The following ADGRL2 variants were observed in gnomAD, a reference collection of about 807,000 sequenced individuals.
ADGRL2 encodes the protein calcium-independent alpha-latrotoxin receptor 2.
A neutral mutation model predicts 157.4 loss-of-function variants in ADGRL2; 44 were observed. That is an observed-to-expected ratio of 0.28 (90% confidence interval 0.22 to 0.36). The LOEUF (loss-of-function observed/expected upper bound fraction) is 0.36, where lower values mean the gene tolerates loss of function less well. ADGRL2 is among the 10% of genes least tolerant of loss of function. ADGRL2 has a pLI of 1.00. For missense variants in ADGRL2, 1,510 were observed against 1,768.9 expected, an observed-to-expected ratio of 0.85 and a Z score of 2.63; for synonymous variants, 585 against 624.7, an observed-to-expected ratio of 0.94 and a Z score of 0.95.
intron 1 of ADGRL2, among the ~76,000 whole-genome samples, chr1:81,396,546 T>C (rs2076658021): frequency 6.6e-6 from 1 of 152,004 alleles, no homozygotes; most frequent in South Asian, 2.1e-4. Flanking sequence ...TGAGCAAGAG[T>C]GGTGAGAGTG....
At chr1:81,515,633 A>T (rs1333529936) in intron 2 of ADGRL2, among the ~76,000 whole-genome samples, 2 of 152,192 alleles carry the variant, frequency 1.3e-5, no homozygotes, top group Non-Finnish European at 2.9e-5. Context: ...AACAAAAATG[A>T]TGTATGTTTA....
Position 81,991,303 on chromosome 1 carries a change from T to C in ADGRL2, c.*158T>C. 1 of 615,010 alleles carries C rather than the reference T, an allele frequency of 1.6e-6. No homozygotes were observed. Among genetic ancestry groups the C allele is most frequent in the Non-Finnish European group, 2.7e-6 (1 of 365,814 alleles). The allele number at this position is 615,010 out of a possible 1,614,324, so 38.1% of individuals were successfully genotyped here. A position where few individuals can be genotyped will look rare whatever the true frequency, so the allele number is the denominator to read the frequency against. On this transcript the variant is annotated 3_prime_UTR_variant, in exon 24 of 24. Coordinates refer to ENST00000686636, the MANE Select transcript of ADGRL2 (RefSeq NM_001366006.2). ...TGACTGAACCTTGCAGTTCTGTGAA[T>C]TTTTATAAAACATACAAAAACTTTG...
intron 2 of ADGRL2, among the ~76,000 whole-genome samples, chr1:81,773,141 G>T (rs1430630909): frequency 1.3e-5 from 2 of 152,072 alleles, no homozygotes; most frequent in Non-Finnish European, 2.9e-5. Context: ...CAGACTTTTA[G>T]GCAAAGGGAG....
intron 3 of ADGRL2, among the ~76,000 whole-genome samples, chr1:81,650,390 TA>T (rs71242585): frequency 1.3e-5 from 2 of 150,210 alleles, no homozygotes; most frequent in African/African-American, 4.9e-5. Context: ...GCCAACATGG[TA>T]AAAAAAACCC....
intron 1 of ADGRL2, among the ~76,000 whole-genome samples, chr1:81,405,150 G>T (rs892195180): frequency 1.3e-5 from 2 of 152,152 alleles, no homozygotes; most frequent in Non-Finnish European, 2.9e-5. Flanking sequence ...TTAGGTATAT[G>T]CAAGTGTAGC....
At chr1:81,376,821 A>G (rs2076258914) in intron 1 of ADGRL2, among the ~76,000 whole-genome samples, 1 of 152,170 alleles carries the variant, frequency 6.6e-6, no homozygotes, top group Admixed American at 6.6e-5. Flanking sequence ...TAGTGTGTTC[A>G]GGCAGGGTTT....
intron 2 of ADGRL2, among the ~76,000 whole-genome samples, chr1:81,872,233 A>T (rs937282612): frequency 6.6e-6 from 1 of 152,192 alleles, no homozygotes; most frequent in Non-Finnish European, 1.5e-5. Flanking sequence ...GTCAAAGATC[A>T]GATGGTTGTA....
intron 10 of ADGRL2, among the ~76,000 whole-genome samples, chr1:81,955,061 A>C (rs1337713776): frequency 6.6e-6 from 1 of 152,220 alleles, no homozygotes; most frequent in African/African-American, 2.4e-5. Flanking sequence ...TCAGTTGATT[A>C]ACTGAGTTAT....
intron 3 of ADGRL2, among the ~76,000 whole-genome samples, chr1:81,929,701 T>C (rs377374143): frequency 4.1e-4 from 62 of 152,312 alleles, no homozygotes; most frequent in African/African-American, 1.5e-3. Flanking sequence ...TTTTTAAAGC[T>C]GTACACAGTA....
At chr1:81,598,019 C>T (rs548915517) in intron 3 of ADGRL2, among the ~76,000 whole-genome samples, 62 of 152,316 alleles carry the variant, frequency 4.1e-4, no homozygotes, top group Middle Eastern at 3.4e-3. Context: ...CAACTCTCCA[C>T]CTATCTTTGG....
intron 2 of ADGRL2, among the ~76,000 whole-genome samples, chr1:81,572,675 T>G (rs2080719434): frequency 3.3e-5 from 5 of 152,150 alleles, no homozygotes. Flanking sequence ...ATAACTGTAT[T>G]ACAGAAAATG....
chr1:81,899,469 G>A (rs927268420), intron 2 of ADGRL2, among the ~76,000 whole-genome samples: 6 of 152,096 alleles, frequency 3.9e-5, no homozygotes, highest in African/African-American at 9.7e-5. Flanking sequence ...AGCAGAGAGA[G>A]TTATATCTTG....
intron 6 of ADGRL2, among the ~76,000 whole-genome samples, chr1:81,949,549 C>T (rs1651051281): frequency 6.6e-6 from 1 of 152,180 alleles, no homozygotes; most frequent in South Asian, 2.1e-4. Flanking sequence ...GCTGCTTCTT[C>T]ATACCTACCT....
chr1:81,566,888 G>A (rs965034453), intron 2 of ADGRL2, among the ~76,000 whole-genome samples: 2 of 152,064 alleles, frequency 1.3e-5, no homozygotes, highest in Non-Finnish European at 2.9e-5. Flanking sequence ...TAATCATGGT[G>A]TTAAGGCAAT....
upstream of ADGRL2, among the ~76,000 whole-genome samples, chr1:81,695,990 T>C (rs1320737266): frequency 6.6e-6 from 1 of 152,140 alleles, no homozygotes; most frequent in Non-Finnish European, 1.5e-5. Flanking sequence ...TAATTTATTA[T>C]AGAGAAATGT....
rs764278003 is a variant in ADGRL2, at chr1:81,574,461, A to G, written c.-247-6415A>G. ...TCAATACCTGAAAATTTCCTCAGAA[A>G]TGAATGGGCAACTGGGACAGACTGC... On this transcript the variant is annotated intron_variant, in intron 2 of 24. Transcript: ENST00000370721. Among the ~76,000 whole-genome samples, 72 of 152,290 alleles carry G rather than the reference A, an allele frequency of 4.7e-4. 1 individual carries two copies. Among genetic ancestry groups the G allele is most frequent in the Non-Finnish European group, 8.4e-4 (57 of 68,018 alleles).
intron 1 of ADGRL2, among the ~76,000 whole-genome samples, chr1:81,357,857 C>T (rs1024124681): frequency 6.6e-6 from 1 of 152,128 alleles, no homozygotes; most frequent in African/African-American, 2.4e-5. Context: ...TAGTTAAACT[C>T]TTTAAGCTTA....
chr1:81,702,642 C>T (rs982511851), intron 1 of ADGRL2, among the ~76,000 whole-genome samples: 4 of 151,930 alleles, frequency 2.6e-5, no homozygotes, highest in Non-Finnish European at 1.5e-5. Context: ...GGAAACAAAA[C>T]AAAAACAAAA....
intron 2 of ADGRL2, among the ~76,000 whole-genome samples, chr1:81,545,287 ACTT>A (rs2079986662): frequency 7.1e-6 from 1 of 140,404 alleles, no homozygotes; most frequent in Non-Finnish European, 1.6e-5. Context: ...GACTGACTGA[ACTT>A]TTTTTTTTTT....
Sources: gnomAD v4.1 joint callset for allele counts (sites outside exome capture counted in the v4.1 genomes callset) on GRCh38, gnomAD v4.1.1 for gene constraint, MANE v1.5 for transcripts, NCBI Gene and HGNC (gene_info 2026-07-23, HGNC 2026-07-21) for gene names.